CDK14: variants seen among roughly 807,000 people sequenced by gnomAD.
CDK14 encodes the protein cyclin-dependent kinase 14.
A neutral mutation model predicts 60.7 loss-of-function variants in CDK14; 34 were observed. The observed-to-expected ratio is 0.56, with a 90% CI of 0.43 to 0.75. CDK14 has a LOEUF of 0.75. Among genes scored for constraint, CDK14 ranks in the 30% least tolerant of loss-of-function variants. The probability of loss-of-function intolerance (pLI) is 0.00; values close to 1 mark genes in which losing one functional copy is unlikely to be tolerated. For synonymous variants in CDK14, 197 were observed against 203.7 expected, an observed-to-expected ratio of 0.97 and a Z score of 0.28; for missense variants, 482 against 564.1, an observed-to-expected ratio of 0.85 and a Z score of 1.47.
At chr7:90,729,974 G>A (rs1321461548) in intron 3 of CDK14, among the ~76,000 whole-genome samples, 1 of 152,010 alleles carries the variant, frequency 6.6e-6, no homozygotes, top group African/African-American at 2.4e-5. Flanking sequence ...TGCTGCACTC[G>A]TCAACCTGTC....
chr7:91,033,885 G>C (rs1357878748), intron 10 of CDK14, among the ~76,000 whole-genome samples: 2 of 152,176 alleles, frequency 1.3e-5, no homozygotes, highest in Non-Finnish European at 2.9e-5. Flanking sequence ...GTTGAGATGA[G>C]AGTGAAATCC....
chr7:90,651,767 C>A (rs1800648409), intron 2 of CDK14, among the ~76,000 whole-genome samples: 2 of 151,690 alleles, frequency 1.3e-5, no homozygotes, highest in South Asian at 2.1e-4. Flanking sequence ...TTTTTTAATG[C>A]TCGTAGCCAT....
At chr7:91,176,933 G>T (rs1025319368) in intron 14 of CDK14, among the ~76,000 whole-genome samples, 5 of 152,144 alleles carry the variant, frequency 3.3e-5, no homozygotes, top group African/African-American at 1.2e-4. Flanking sequence ...AATAGAAAAG[G>T]AGGGAATCCT....
At chr7:91,197,762 G>A (rs527404569) in intron 14 of CDK14, among the ~76,000 whole-genome samples, 21 of 152,310 alleles carry the variant, frequency 1.4e-4, no homozygotes, top group East Asian at 1.2e-3. Context: ...TACACATTCC[G>A]TTAATTATGT....
At chr7:90,728,626 A>C (rs1423027620) in intron 3 of CDK14, among the ~76,000 whole-genome samples, 1 of 151,854 alleles carries the variant, frequency 6.6e-6, no homozygotes, top group African/African-American at 2.4e-5. Context: ...ATATTCTCTG[A>C]ATTATTTCTG....
At chr7:90,760,064 C>T (rs560433693) in intron 4 of CDK14, among the ~76,000 whole-genome samples, 1 of 152,304 alleles carries the variant, frequency 6.6e-6, no homozygotes, top group East Asian at 1.9e-4. Flanking sequence ...TGCCAATCTT[C>T]TTTTAGCATT....
At chr7:90,870,826 T>C (rs73403523) in intron 6 of CDK14, among the ~76,000 whole-genome samples, 1 of 152,350 alleles carries the variant, frequency 6.6e-6, no homozygotes, top group African/African-American at 2.4e-5. Context: ...AGAACATTGG[T>C]GAAATTTAAA....
chr7:90,936,053 GA>G (rs1170609702), intron 8 of CDK14, among the ~76,000 whole-genome samples: 2 of 148,334 alleles, frequency 1.3e-5, no homozygotes, highest in Middle Eastern at 3.2e-3. Context: ...AAAAAAAAAA[GA>G]AAAAAGAAGA....
At chr7:90,720,267 T>G (rs1020694035) in intron 2 of CDK14, among the ~76,000 whole-genome samples, 1 of 152,166 alleles carries the variant, frequency 6.6e-6, no homozygotes, top group Non-Finnish European at 1.5e-5. Flanking sequence ...TGGGTGGGAT[T>G]TAATCAACAA....
chr7:90,982,512 G>C (rs530131651), intron 9 of CDK14, among the ~76,000 whole-genome samples: 1 of 152,288 alleles, frequency 6.6e-6, no homozygotes, highest in South Asian at 2.1e-4. Flanking sequence ...TCAGAGATAT[G>C]CAGTTTCTTA....
chr7:90,933,491 A>G (rs61541833), intron 8 of CDK14, among the ~76,000 whole-genome samples: 2 of 152,210 alleles, frequency 1.3e-5, no homozygotes, highest in African/African-American at 2.4e-5. Flanking sequence ...CCTTTTCTAT[A>G]TAACAGTTCG....
intron 8 of CDK14, among the ~76,000 whole-genome samples, chr7:90,938,039 T>C (rs1216927341): frequency 1.3e-5 from 2 of 152,222 alleles, no homozygotes; most frequent in African/African-American, 4.8e-5. Flanking sequence ...AAAGAGATCA[T>C]GAAAGAATAG....
intron 14 of CDK14, among the ~76,000 whole-genome samples, chr7:91,205,172 T>A (rs4407805): frequency 0.17 from 26,583 of 152,170 alleles, 2,402 homozygotes; most frequent in East Asian, 0.29. Context: ...ATGACCTAGC[T>A]ATTCCACTTC....
chr7:90,647,915 C>G (rs1295343048), intron 2 of CDK14, among the ~76,000 whole-genome samples: 1 of 152,062 alleles, frequency 6.6e-6, no homozygotes, highest in African/African-American at 2.4e-5. Flanking sequence ...TGTTTCAGGT[C>G]CAGTCAGGGG....
intron 13 of CDK14, among the ~76,000 whole-genome samples, chr7:91,115,224 A>G (rs1799572428): frequency 6.6e-6 from 1 of 152,212 alleles, no homozygotes; most frequent in African/African-American, 2.4e-5. Flanking sequence ...CAATAACAAA[A>G]TACCTTAGAC....
intron 5 of CDK14, among the ~76,000 whole-genome samples, chr7:90,835,224 G>A (rs182094583): frequency 1.3e-5 from 2 of 152,278 alleles, no homozygotes; most frequent in Admixed American, 6.5e-5. Context: ...AGTGGGAGGT[G>A]ATAGAGGAAT....
chr7:90,719,716 GA>G (rs568419998), intron 2 of CDK14, among the ~76,000 whole-genome samples: 14 of 151,836 alleles, frequency 9.2e-5, no homozygotes, highest in Admixed American at 3.3e-4. Context: ...GAATTTACTG[GA>G]AAAAAAAGTT....
intron 2 of CDK14, among the ~76,000 whole-genome samples, chr7:90,698,526 G>A (rs996417420): frequency 2.0e-5 from 3 of 152,144 alleles, no homozygotes; most frequent in African/African-American, 7.2e-5. Flanking sequence ...AATTATTTGT[G>A]TATATTTTGA....
chr7:91,118,329 G>A (rs901685985), intron 14 of CDK14, 121 bp downstream of exon 14: 3 of 548,214 alleles, frequency 5.5e-6, no homozygotes, highest in Non-Finnish European at 9.8e-6. Context: ...TGTGCATTAT[G>A]GCATTCATCA....
Sources: gnomAD v4.1 joint callset for allele counts (sites outside exome capture counted in the v4.1 genomes callset) on GRCh38, gnomAD v4.1.1 for gene constraint, MANE v1.5 for transcripts, NCBI Gene and HGNC (gene_info 2026-07-23, HGNC 2026-07-21) for gene names.